The following MTPAP variants were observed in gnomAD, a reference collection of about 807,000 sequenced individuals.
MTPAP encodes the protein mitochondrial poly(A) polymerase.
Under a neutral mutation model 48.7 loss-of-function variants are expected in MTPAP, and 23 were observed. That is an observed-to-expected ratio of 0.47 (90% CI 0.34 to 0.67). MTPAP has a LOEUF of 0.67. Ranked by LOEUF, MTPAP falls within the 30% of genes least tolerant of loss-of-function variation. The pLI is 0.01. For synonymous variants in MTPAP, 257 were observed against 254.1 expected, an observed-to-expected ratio of 1.01 and a Z score of -0.11; for missense variants, 614 against 694.3, an observed-to-expected ratio of 0.88 and a Z score of 1.30.
At chr10:30,340,079 C>A (rs985268216) in intron 3 of MTPAP, 147 bp downstream of exon 3, 9 of 732,378 alleles carry the variant, frequency 1.2e-5, no homozygotes, top group Non-Finnish European at 1.8e-5. Context: ...TCCACCACCA[C>A]GATTCATCTC....
chr10:30,339,941 CA>C, intron 3 of MTPAP: 1 of 446,958 alleles, frequency 2.2e-6, no homozygotes, highest in Non-Finnish European at 4.1e-6. Context: ...TATACAATCT[CA>C]AGACCATATG....
chr10:30,336,591 A>G (rs994402680), intron 4 of MTPAP, among the ~76,000 whole-genome samples: 3 of 152,234 alleles, frequency 2.0e-5, no homozygotes, highest in Non-Finnish European at 2.9e-5. Context: ...ATTTGATTGC[A>G]TATCTACAGA....
At chr10:30,328,242 C>A (rs932245422) in intron 4 of MTPAP, among the ~76,000 whole-genome samples, 4 of 152,060 alleles carry the variant, frequency 2.6e-5, no homozygotes, top group Non-Finnish European at 5.9e-5. Flanking sequence ...AGAAACTAAA[C>A]AGAAATTAAA....
At chr10:30,317,652 T>C (rs1840677431) in intron 6 of MTPAP, among the ~76,000 whole-genome samples, 1 of 152,170 alleles carries the variant, frequency 6.6e-6, no homozygotes, top group African/African-American at 2.4e-5. Context: ...CCAAACTGGT[T>C]TTCCATCCTT....
rs556815049 is a variant in MTPAP, at chr10:30,310,201, A to T, written c.*3408T>A. On this transcript the variant is annotated 3_prime_UTR_variant, in exon 9 of 9. Transcript: ENST00000263063. Reference sequence around the variant, plus strand: ...CACTATCACGTAATAAAAATATTTTAAAAATCTGGGTTGTGATACACTAAA... The same window carrying T: ...CACTATCACGTAATAAAAATATTTTTAAAATCTGGGTTGTGATACACTAAA... 3.3e-5 allele frequency: 5 copies of T among 152,366 alleles called. No homozygotes were observed. Among genetic ancestry groups the T allele is most frequent in the African/African-American group, 1.2e-4 (5 of 41,576 alleles). 9.4% of individuals were successfully genotyped at this position (152,366 alleles called of 1,614,324 possible).
chr10:30,339,000 G>A (rs969911258), intron 3 of MTPAP, among the ~76,000 whole-genome samples: 4 of 152,178 alleles, frequency 2.6e-5, no homozygotes, highest in Non-Finnish European at 4.4e-5. Flanking sequence ...GTGGGCGCCT[G>A]TAGTCCCAGC....
At position 30,312,562 on chromosome 10, in the gene MTPAP, TCTGTCTCAAAAAAAA is replaced by T. The variant is rs1840606889; in HGVS notation, c.*1032_*1046del. On this transcript the variant is annotated 3_prime_UTR_variant, in exon 9 of 9. Coordinates refer to ENST00000263063, the MANE Select transcript of MTPAP (RefSeq NM_018109.4). Reference sequence around the variant, plus strand: ...TCTAGCCTGGGCGACAGAGCGAGACTCTGTCTCAAAAAAAAAAAAAAAAAAAAAAGAAAGAAAGAA... The same window carrying T: ...TCTAGCCTGGGCGACAGAGCGAGACTAAAAAAAAAAAAAAGAAAGAAAGAA... The T allele has an allele frequency of 9.5e-6, 1 of 105,486 alleles. No homozygotes were observed. Among genetic ancestry groups the T allele is most frequent in the Non-Finnish European group, 1.8e-5 (1 of 56,488 alleles). The allele number at this position is 105,486 out of a possible 1,614,324, so 6.5% of individuals were successfully genotyped here. A position where few individuals can be genotyped will look rare whatever the true frequency, so the allele number is the denominator to read the frequency against.
At position 30,313,456 on chromosome 10, in the gene MTPAP, C is replaced by G; in HGVS notation, c.*153G>C. 1 of 1,073,162 alleles carries G rather than the reference C, an allele frequency of 9.3e-7. No individual in the cohort carries two copies. The highest frequency in any genetic ancestry group is 1.4e-6 in the Non-Finnish European group (1 of 720,504). 66.5% of individuals were successfully genotyped at this position (1,073,162 alleles called of 1,614,324 possible). A position where few individuals can be genotyped will look rare whatever the true frequency, so the allele number is the denominator to read the frequency against. Reference sequence around the variant, plus strand: ...TGATCAAACTGAAAACATCCCAGAACTTCAGACCAGGTTAAGGGGGCCAAT... The same window carrying G: ...TGATCAAACTGAAAACATCCCAGAAGTTCAGACCAGGTTAAGGGGGCCAAT... On this transcript the variant is annotated 3_prime_UTR_variant, in exon 9 of 9. Coordinates refer to ENST00000263063, the MANE Select transcript of MTPAP (RefSeq NM_018109.4).
intron 4 of MTPAP, among the ~76,000 whole-genome samples, 161 bp from the exon 5 acceptor site, chr10:30,326,796 A>G (rs1834603591): frequency 6.6e-6 from 1 of 152,238 alleles, no homozygotes; most frequent in Non-Finnish European, 1.5e-5. Context: ...CACAGCCAAA[A>G]GCAAACTTAA....
At position 30,311,781 on chromosome 10, in the gene MTPAP, C is replaced by G. The variant is rs143156077; in HGVS notation, c.*1828G>C. 2.6e-5 allele frequency: 4 copies of G among 152,728 alleles called. No homozygotes were observed. The highest frequency in any genetic ancestry group is 1.9e-4 in the East Asian group (1 of 5,204). The allele number at this position is 152,728 out of a possible 1,614,324, so 9.5% of individuals were successfully genotyped here. ...CCAGGTTCAAGCAGTCCTTGTGCCT[C>G]GGCCTCCCAAGTACCTGGGACTACA... On this transcript the variant is annotated 3_prime_UTR_variant, in exon 9 of 9. Coordinates refer to ENST00000263063, the MANE Select transcript of MTPAP (RefSeq NM_018109.4).
chr10:30,314,050 G>T, intron 8 of MTPAP, 79 bp from the exon 9 acceptor site: 1 of 1,462,758 alleles, frequency 6.8e-7, no homozygotes. Context: ...TCAATAAAAT[G>T]TCAAAACACA....
intron 6 of MTPAP, among the ~76,000 whole-genome samples, chr10:30,319,666 A>C (rs565991641): frequency 6.2e-4 from 94 of 152,370 alleles, no homozygotes; most frequent in African/African-American, 1.5e-3. Flanking sequence ...GATCTTCACC[A>C]AATTCTTAAT....
At chr10:30,333,662 C>T (rs954081356) in intron 4 of MTPAP, among the ~76,000 whole-genome samples, 7 of 152,148 alleles carry the variant, frequency 4.6e-5, no homozygotes, top group African/African-American at 1.4e-4. Context: ...TCCCTATAAT[C>T]GTAGCACTTG....
chr10:30,342,608 A>G (rs1490628939), intron 1 of MTPAP, among the ~76,000 whole-genome samples: 7 of 152,178 alleles, frequency 4.6e-5, no homozygotes, highest in African/African-American at 1.4e-4. Context: ...ATATGCACAC[A>G]CAAAATTGTG....
chr10:30,349,192 C>A lies in MTPAP; in HGVS notation c.84G>T (p.Arg28Ser), dbSNP rs1348383109. ...CCACAGTTCCTGGGCAACTCAAAAG[C>A]CTGACGATAGGCCGCTGGACTCGAG... ...RRTRVQRPIV[R>S]LLSCPGTVAK... Residue 28 changes from arginine to serine, a missense_variant, in exon 1 of 9, where the codon AGG becomes AGT. Around this residue, in one of 5 missense-constraint regions of MTPAP, gnomAD observed 125 missense variants for 111.5 expected, o/e 1.12. Coordinates refer to ENST00000263063, the MANE Select transcript of MTPAP (RefSeq NM_018109.4). 1 of 1,612,126 alleles carries A rather than the reference C, an allele frequency of 6.2e-7. No individual in the cohort carries two copies. Among genetic ancestry groups the A allele is most frequent in the African/African-American group, 1.3e-5 (1 of 74,504 alleles).
At chr10:30,334,375 T>C (rs984664715) in intron 4 of MTPAP, among the ~76,000 whole-genome samples, 2 of 152,088 alleles carry the variant, frequency 1.3e-5, no homozygotes, top group Admixed American at 1.3e-4. Flanking sequence ...AACAATGTGG[T>C]TGGGGCCGGG....
In MTPAP at chr10:30,311,941, G is replaced by A. The variant is rs560607129; in HGVS notation, c.*1668C>T. ...GGTGGGCGATCACCTGAGGTCAGGA[G>A]TTCGAGATCAGCCTGGCCAACATGG... On this transcript the variant is annotated 3_prime_UTR_variant, in exon 9 of 9. Transcript: ENST00000263063. 3.3e-5 allele frequency: 5 copies of A among 152,486 alleles called. No individual in the cohort carries two copies. The highest frequency in any genetic ancestry group is 1.2e-4 in the African/African-American group (5 of 41,572). 9.4% of individuals were successfully genotyped at this position (152,486 alleles called of 1,614,324 possible). A position where few individuals can be genotyped will look rare whatever the true frequency, so the allele number is the denominator to read the frequency against.
chr10:30,319,898 T>G (rs1157885654), intron 6 of MTPAP, among the ~76,000 whole-genome samples: 2 of 152,150 alleles, frequency 1.3e-5, no homozygotes, highest in African/African-American at 2.4e-5. Flanking sequence ...AAGTGAAATA[T>G]TAAAGAATTC....
At chr10:30,348,893 T>C in intron 1 of MTPAP, 1 of 615,896 alleles carries the variant, frequency 1.6e-6, no homozygotes, top group South Asian at 1.9e-5. Context: ...TCCATTACTG[T>C]ACACAGGAGT....
Sources: gnomAD v4.1 joint callset for allele counts (sites outside exome capture counted in the v4.1 genomes callset) on GRCh38, gnomAD v4.1.1 for gene constraint, gnomAD v4.1.1 regional missense constraint, MANE v1.5 for transcripts, NCBI Gene and HGNC (gene_info 2026-07-23, HGNC 2026-07-21) for gene names.